The following EPB41L4A variants were observed in gnomAD, a reference collection of about 807,000 sequenced individuals.
EPB41L4A encodes the protein erythrocyte membrane protein band 4.1 like 4A, also known as band 4.1-like protein 4A.
In EPB41L4A, 100 loss-of-function variants were observed where a neutral mutation model predicts 108.6. The ratio of observed to expected loss-of-function variants is 0.92; its 90% CI spans 0.78 to 1.09. EPB41L4A has a LOEUF of 1.09. Among genes scored for constraint, EPB41L4A ranks in the 50% least tolerant of loss-of-function variants. The pLI, the probability that EPB41L4A is intolerant of heterozygous loss-of-function variation, is 0.00. For synonymous variants in EPB41L4A, 319 were observed against 289.0 expected, an observed-to-expected ratio of 1.10 and a Z score of -1.05; for missense variants, 1,030 against 842.7, an observed-to-expected ratio of 1.22 and a Z score of -2.75.
chr5:112,172,961 G>A (rs974009761), intron 18 of EPB41L4A, among the ~76,000 whole-genome samples: 1 of 152,148 alleles, frequency 6.6e-6, no homozygotes, highest in African/African-American at 2.4e-5. Flanking sequence ...TAGCACCTGT[G>A]GCCTCTACCC....
chr5:112,164,093 A>AT lies in EPB41L4A; in HGVS notation c.*896dup, dbSNP rs1330956002. On this transcript the variant is annotated 3_prime_UTR_variant, in exon 23 of 23. Coordinates refer to ENST00000261486, the MANE Select transcript of EPB41L4A (RefSeq NM_022140.5). ...GATGGCCAAGCAGGGTGGATGGATC[A>AT]TTTGAGGTTTGGGGTGACAGATCAA... is the stretch of plus-strand genomic sequence containing the variant. The AT allele has an allele frequency of 1.3e-5, 2 of 152,214 alleles. No homozygotes were observed. The highest frequency in any genetic ancestry group is 2.9e-5 in the Non-Finnish European group (2 of 68,050). The allele number at this position is 152,214 out of a possible 1,614,324, so 9.4% of individuals were successfully genotyped here. A position where few individuals can be genotyped will look rare whatever the true frequency, so the allele number is the denominator to read the frequency against.
At chr5:112,252,661 C>T (rs1370704229) in intron 9 of EPB41L4A, among the ~76,000 whole-genome samples, 4 of 151,942 alleles carry the variant, frequency 2.6e-5, no homozygotes, top group Non-Finnish European at 5.9e-5. Context: ...TACACATGAA[C>T]ATGAAGATGG....
At chr5:112,381,187 C>G (rs1251892283) in intron 1 of EPB41L4A, among the ~76,000 whole-genome samples, 1 of 152,124 alleles carries the variant, frequency 6.6e-6, no homozygotes, top group African/African-American at 2.4e-5. Flanking sequence ...CAGATATACT[C>G]AAGTCTGGTC....
chr5:112,152,025 C>T lies in EPB41L4A; in HGVS notation n.995-6027G>A, dbSNP rs1759489042. Among the ~76,000 whole-genome samples, 4 of 152,174 alleles carry T rather than the reference C, an allele frequency of 2.6e-5. No homozygotes were observed. The South Asian group carries it at 8.3e-4, about 31-fold the overall frequency. ...GGGATTACAGGCGTGAGCCACCATT[C>T]CCAGCCATATTTAGTCTTTCTTGAG... On this transcript the variant is annotated intron_variant and non_coding_transcript_variant, in intron 12 of 13. Coordinates refer to the EPB41L4A transcript ENST00000507810.
intron 1 of EPB41L4A, among the ~76,000 whole-genome samples, chr5:112,378,533 C>T (rs995698657): frequency 2.6e-5 from 4 of 152,130 alleles, no homozygotes; most frequent in Non-Finnish European, 5.9e-5. Context: ...GACATTGTTT[C>T]CTCGATAAAT....
chr5:112,216,424 A>T (rs897099928), intron 12 of EPB41L4A, among the ~76,000 whole-genome samples: 1 of 152,236 alleles, frequency 6.6e-6, no homozygotes, highest in Non-Finnish European at 1.5e-5. Flanking sequence ...GTGAAATTAA[A>T]ATGAAAAAAA....
At chr5:112,249,801 G>T (rs1408865804) in intron 9 of EPB41L4A, among the ~76,000 whole-genome samples, 1 of 152,156 alleles carries the variant, frequency 6.6e-6, no homozygotes, top group Non-Finnish European at 1.5e-5. Context: ...TGGCATAGAA[G>T]GGTTCTTTGC....
chr5:112,414,501 C>T (rs1377478163), intron 1 of EPB41L4A, among the ~76,000 whole-genome samples: 1 of 152,098 alleles, frequency 6.6e-6, no homozygotes, highest in Non-Finnish European at 1.5e-5. Flanking sequence ...GGGAATGCTG[C>T]TAAGTATCCT....
At chr5:112,361,087 G>T (rs1047718138) in intron 1 of EPB41L4A, among the ~76,000 whole-genome samples, 7 of 152,168 alleles carry the variant, frequency 4.6e-5, no homozygotes, top group African/African-American at 1.7e-4. Context: ...AAGGGGGGAA[G>T]TGTGGGGAAA....
chr5:112,243,154 C>G (rs1749923980), intron 9 of EPB41L4A, among the ~76,000 whole-genome samples: 2 of 148,222 alleles, frequency 1.3e-5, no homozygotes, highest in South Asian at 2.1e-4. Flanking sequence ...GCAGAGGTTG[C>G]AGTGAGCCGA....
chr5:112,398,438 G>T (rs1169669670), intron 1 of EPB41L4A, among the ~76,000 whole-genome samples: 1 of 152,112 alleles, frequency 6.6e-6, no homozygotes, highest in Non-Finnish European at 1.5e-5. Context: ...GTCCAGGCTG[G>T]AGTGCAGTGG....
intron 1 of EPB41L4A, among the ~76,000 whole-genome samples, chr5:112,341,794 A>G (rs1409757857): frequency 6.6e-6 from 1 of 152,012 alleles, no homozygotes; most frequent in Non-Finnish European, 1.5e-5. Context: ...ACACCCCAAA[A>G]GTTGTATTGT....
At chr5:112,257,739 A>G (rs1227268163) in intron 9 of EPB41L4A, among the ~76,000 whole-genome samples, 2 of 152,242 alleles carry the variant, frequency 1.3e-5, no homozygotes, top group South Asian at 2.1e-4. Context: ...TAATGCTTCC[A>G]TAAGTCTTTT....
intron 1 of EPB41L4A, among the ~76,000 whole-genome samples, chr5:112,336,497 T>C (rs1756930865): frequency 6.6e-6 from 1 of 152,194 alleles, no homozygotes; most frequent in Non-Finnish European, 1.5e-5. Context: ...GGTGATTCTT[T>C]ACCCTGTACA....
At position 112,187,029 on chromosome 5, in the gene EPB41L4A, C is replaced by T. The variant is rs567869341; in HGVS notation, c.1503-2894G>A. ...ATCCAAATAGTTTTTTGCTCCTTTC[C>T]TGCTCTATTTTAATCTCGATGTATA... On this transcript the variant is annotated intron_variant, in intron 17 of 22. Transcript: ENST00000261486. 4.6e-5 allele frequency among the ~76,000 whole-genome samples: 7 copies of T among 152,228 alleles called. No homozygotes were observed. The East Asian group carries it at 9.6e-4, about 21-fold the overall frequency.
chr5:112,295,435 T>G (rs534554435), intron 2 of EPB41L4A, among the ~76,000 whole-genome samples: 1 of 152,312 alleles, frequency 6.6e-6, no homozygotes, highest in Non-Finnish European at 1.5e-5. Flanking sequence ...CCATATACAC[T>G]CTATTCCAAA....
upstream of EPB41L4A, chr5:112,419,512 G>A (rs982176458): frequency 2.6e-6 from 1 of 389,076 alleles, no homozygotes; most frequent in Admixed American, 3.0e-5. Context: ...CGACGTCCTG[G>A]CGTCCGATCG....
At chr5:112,243,292 T>TATATATATC (rs1561504555) in intron 9 of EPB41L4A, among the ~76,000 whole-genome samples, 1 of 147,262 alleles carries the variant, frequency 6.8e-6, no homozygotes, top group African/African-American at 2.5e-5. Flanking sequence ...TATATATATA[T>TATATATATC]TTTGTTTGTT....
chr5:112,222,315 T>C (rs1056260267), intron 12 of EPB41L4A, among the ~76,000 whole-genome samples: 6 of 152,206 alleles, frequency 3.9e-5, no homozygotes, highest in African/African-American at 1.4e-4. Context: ...GCATGTACCA[T>C]AGTATCCCAA....
Sources: allele counts gnomAD v4.1 joint callset (sites outside exome capture counted in the v4.1 genomes callset), GRCh38; gene constraint gnomAD v4.1.1; transcripts MANE v1.5; gene names NCBI Gene and HGNC (gene_info 2026-07-23, HGNC 2026-07-21).